ARHGAP15: variants seen among roughly 807,000 people sequenced by gnomAD.
The protein encoded by ARHGAP15 is rho GTPase-activating protein 15.
In ARHGAP15, 51 loss-of-function variants were observed where a neutral mutation model predicts 63.7. The observed-to-expected ratio is 0.80, with a 90% CI of 0.64 to 1.01. The LOEUF (loss-of-function observed/expected upper bound fraction) is 1.01. Among genes scored for constraint, ARHGAP15 ranks in the 50% least tolerant of loss-of-function variants. The pLI, the probability that ARHGAP15 is intolerant of heterozygous loss-of-function variation, is 0.00. For synonymous variants in ARHGAP15, 191 were observed against 193.8 expected, an observed-to-expected ratio of 0.99 and a Z score of 0.12; for missense variants, 560 against 564.6, an observed-to-expected ratio of 0.99 and a Z score of 0.08.
intron 6 of ARHGAP15, among the ~76,000 whole-genome samples, chr2:143,368,240 T>C (rs1460830785): frequency 1.3e-5 from 2 of 152,060 alleles, no homozygotes; most frequent in Non-Finnish European, 2.9e-5. Context: ...TAACAGTATA[T>C]TTAGTGTGTG....
At chr2:143,718,674 C>G (rs1337023014) in intron 13 of ARHGAP15, among the ~76,000 whole-genome samples, 2 of 152,112 alleles carry the variant, frequency 1.3e-5, no homozygotes, top group Admixed American at 1.3e-4. Flanking sequence ...TGTTCTCTAC[C>G]TTTCCTCCCA....
chr2:143,300,509 T>C (rs555248279), intron 6 of ARHGAP15, among the ~76,000 whole-genome samples: 1 of 152,152 alleles, frequency 6.6e-6, no homozygotes, highest in Admixed American at 6.6e-5. Flanking sequence ...ATTGCTTAAC[T>C]GAAACAAACA....
intron 6 of ARHGAP15, among the ~76,000 whole-genome samples, chr2:143,275,266 A>G (rs1051652047): frequency 6.6e-6 from 1 of 152,190 alleles, no homozygotes; most frequent in African/African-American, 2.4e-5. Context: ...GCCGCTGTCA[A>G]ACCTTGGCAG....
chr2:143,657,162 C>T (rs1241536036), intron 12 of ARHGAP15, among the ~76,000 whole-genome samples: 7 of 152,056 alleles, frequency 4.6e-5, no homozygotes, highest in Non-Finnish European at 1.0e-4. Context: ...CTGGCTAACA[C>T]GGTGAAACCC....
intron 13 of ARHGAP15, among the ~76,000 whole-genome samples, chr2:143,708,585 T>G (rs1684434733): frequency 6.6e-6 from 1 of 152,084 alleles, no homozygotes; most frequent in African/African-American, 2.4e-5. Context: ...TCAGACACCC[T>G]GTCAGCCTGG....
intron 12 of ARHGAP15, among the ~76,000 whole-genome samples, chr2:143,685,308 A>AC (rs1375974100): frequency 1.3e-5 from 2 of 152,228 alleles, no homozygotes; most frequent in East Asian, 3.8e-4. Context: ...CACTGCCTGG[A>AC]AAGTCCAAGT....
chr2:143,504,780 T>C (rs1482490196), intron 9 of ARHGAP15, among the ~76,000 whole-genome samples: 3 of 152,204 alleles, frequency 2.0e-5, no homozygotes, highest in Non-Finnish European at 4.4e-5. Flanking sequence ...CACCTTACCT[T>C]GGCTGTGCAG....
chr2:143,600,515 T>C (rs1697725194), intron 11 of ARHGAP15, among the ~76,000 whole-genome samples: 1 of 152,192 alleles, frequency 6.6e-6, no homozygotes, highest in African/African-American at 2.4e-5. Context: ...TAGTTCAGAA[T>C]GGAGCCAACA....
At chr2:143,353,065 C>CT (rs746791658) in intron 6 of ARHGAP15, among the ~76,000 whole-genome samples, 41 of 151,218 alleles carry the variant, frequency 2.7e-4, no homozygotes, top group East Asian at 3.9e-4. Flanking sequence ...TTTAAAGAAA[C>CT]TTTTTTTTTC....
At chr2:143,410,351 T>C (rs11897813) in intron 6 of ARHGAP15, among the ~76,000 whole-genome samples, 105,589 of 151,960 alleles carry the variant, frequency 0.69, 37,027 homozygotes, top group Admixed American at 0.78. Context: ...TTGAGATGAA[T>C]GTAAAAAATG....
chr2:143,359,559 C>A (rs915386168), intron 6 of ARHGAP15, among the ~76,000 whole-genome samples: 2 of 152,078 alleles, frequency 1.3e-5, no homozygotes, highest in Non-Finnish European at 1.5e-5. Context: ...ATACTGTTTT[C>A]TTCCAAAATC....
chr2:143,433,169 C>G (rs1011764591), intron 6 of ARHGAP15, among the ~76,000 whole-genome samples: 3 of 151,882 alleles, frequency 2.0e-5, no homozygotes, highest in African/African-American at 7.3e-5. Context: ...ATCAGAAATC[C>G]TAAAGAGGTA....
intron 6 of ARHGAP15, among the ~76,000 whole-genome samples, chr2:143,392,976 G>A (rs1265872725): frequency 6.6e-6 from 1 of 152,124 alleles, no homozygotes; most frequent in Non-Finnish European, 1.5e-5. Flanking sequence ...TTAAGTGTGT[G>A]TAAAGGAGAA....
chr2:143,272,217 C>A (rs1681321765), intron 6 of ARHGAP15, among the ~76,000 whole-genome samples: 2 of 152,184 alleles, frequency 1.3e-5, no homozygotes. Context: ...GATTGTGAGG[C>A]TTTGCTGTGA....
At chr2:143,420,102 G>A (rs577731874) in intron 6 of ARHGAP15, among the ~76,000 whole-genome samples, 2 of 152,172 alleles carry the variant, frequency 1.3e-5, no homozygotes, top group East Asian at 3.9e-4. Flanking sequence ...GTCAGGATAC[G>A]GTTACTGAAG....
chr2:143,471,195 CACAT>C (rs1010041987), intron 8 of ARHGAP15, among the ~76,000 whole-genome samples: 3 of 140,046 alleles, frequency 2.1e-5, no homozygotes, highest in South Asian at 2.2e-4. Flanking sequence ...TATATATACA[CACAT>C]ATATGTGTGT....
chr2:143,385,215 T>C (rs1296945828), intron 6 of ARHGAP15, among the ~76,000 whole-genome samples: 1 of 152,022 alleles, frequency 6.6e-6, no homozygotes, highest in Non-Finnish European at 1.5e-5. Context: ...CACTTTTGAG[T>C]TGACACATGC....
intron 1 of ARHGAP15, among the ~76,000 whole-genome samples, chr2:143,150,520 G>T (rs544800138): frequency 3.3e-5 from 5 of 151,978 alleles, no homozygotes; most frequent in Non-Finnish European, 5.9e-5. Context: ...AGGAGAACTA[G>T]TGCAATATCA....
At chr2:143,614,326 C>T (rs1403959460) in intron 11 of ARHGAP15, among the ~76,000 whole-genome samples, 2 of 152,132 alleles carry the variant, frequency 1.3e-5, no homozygotes, top group Admixed American at 1.3e-4. Context: ...TTCCTATATA[C>T]TATGAAATCT....
Sources: allele counts gnomAD v4.1 joint callset (sites outside exome capture counted in the v4.1 genomes callset), GRCh38; gene constraint gnomAD v4.1.1; transcripts MANE v1.5; gene names NCBI Gene and HGNC (gene_info 2026-07-23, HGNC 2026-07-21).